TENM3: variants seen among roughly 807,000 people sequenced by gnomAD.
The protein encoded by TENM3 is teneurin-3.
A neutral mutation model predicts 255.1 loss-of-function variants in TENM3; 63 were observed. The observed-to-expected ratio is 0.25, with a 90% CI of 0.20 to 0.30. The LOEUF (loss-of-function observed/expected upper bound fraction) is 0.30. Ranked by LOEUF, TENM3 falls within the 10% of genes least tolerant of loss-of-function variation. TENM3 has a pLI of 1.00. For missense variants in TENM3, 2,929 were observed against 3,461.1 expected (o/e 0.85, Z 3.86); for synonymous variants, 1,306 against 1,322.3 (o/e 0.99, Z 0.27).
chr4:182,199,302 A>G (rs149435220), intron 1 of TENM3, among the ~76,000 whole-genome samples: 1 of 152,112 alleles, frequency 6.6e-6, no homozygotes, highest in East Asian at 1.9e-4. Context: ...CGTCTCTACT[A>G]TCCCAGCTAC....
At chr4:182,386,841 G>A (rs1048261787) in intron 3 of TENM3, among the ~76,000 whole-genome samples, 1 of 152,204 alleles carries the variant, frequency 6.6e-6, no homozygotes, top group Non-Finnish European at 1.5e-5. Flanking sequence ...CCCCGCCTCC[G>A]TGGGTTCCTG....
chr4:182,159,964 A>G (rs1175573265), intron 1 of TENM3, among the ~76,000 whole-genome samples: 1 of 152,212 alleles, frequency 6.6e-6, no homozygotes, highest in East Asian at 1.9e-4. Flanking sequence ...CTTTGTGGGA[A>G]AAACAAATCT....
At chr4:181,814,132 G>T in the TENM3 span, among the ~76,000 whole-genome samples, 6 of 152,136 alleles carry the variant, frequency 3.9e-5, no homozygotes, top group Non-Finnish European at 8.8e-5. Context: ...GGGGCCTTAT[G>T]CTGCTTACAG....
the TENM3 span, among the ~76,000 whole-genome samples, chr4:181,806,889 T>A: frequency 6.6e-6 from 1 of 152,220 alleles, no homozygotes; most frequent in African/African-American, 2.4e-5. Flanking sequence ...TGTAACTGAT[T>A]CATTTTTGTG....
At chr4:181,654,132 T>G in the TENM3 span, among the ~76,000 whole-genome samples, 1 of 151,950 alleles carries the variant, frequency 6.6e-6, no homozygotes. Context: ...TCCCTCAATT[T>G]TTCTTACATA....
chr4:182,120,157 A>C, the TENM3 span, among the ~76,000 whole-genome samples: 1 of 151,886 alleles, frequency 6.6e-6, no homozygotes, highest in African/African-American at 2.4e-5. Flanking sequence ...TAGTCCCTTG[A>C]AGAGAGGTTC....
intron 24 of TENM3, among the ~76,000 whole-genome samples, chr4:182,779,124 G>T (rs1764950204): frequency 6.9e-6 from 1 of 144,354 alleles, no homozygotes; most frequent in Non-Finnish European, 1.5e-5. Flanking sequence ...AGTTACATAT[G>T]TATACATGTG....
At chr4:182,270,493 A>G (rs576913909) in intron 1 of TENM3, among the ~76,000 whole-genome samples, 1 of 152,332 alleles carries the variant, frequency 6.6e-6, no homozygotes, top group South Asian at 2.1e-4. Flanking sequence ...AATTTTGGCT[A>G]AACTCCAAAG....
the TENM3 span, among the ~76,000 whole-genome samples, chr4:181,947,513 T>C: frequency 1.3e-5 from 2 of 152,220 alleles, no homozygotes; most frequent in Non-Finnish European, 2.9e-5. Context: ...TTCTTAAAGA[T>C]GGTTGATAAA....
the TENM3 span, among the ~76,000 whole-genome samples, chr4:181,824,396 C>T: frequency 6.6e-5 from 10 of 152,048 alleles, no homozygotes; most frequent in Admixed American, 1.3e-4. Flanking sequence ...TCACTGCACC[C>T]GACCAACATA....
upstream of TENM3, chr4:182,142,543 G>C (rs756608488): frequency 6.0e-6 from 1 of 167,222 alleles, no homozygotes; most frequent in Admixed American, 6.5e-5. Flanking sequence ...AGTTAAAAAT[G>C]CAAGTGGATT....
the TENM3 span, among the ~76,000 whole-genome samples, chr4:182,075,178 A>G: frequency 2.7e-5 from 4 of 150,718 alleles, no homozygotes; most frequent in African/African-American, 9.8e-5. Context: ...TGTATGTAAA[A>G]CAGTGGACAC....
At chr4:182,622,494 C>T (rs973771981) in intron 4 of TENM3, among the ~76,000 whole-genome samples, 46 of 152,288 alleles carry the variant, frequency 3.0e-4, no homozygotes, top group Middle Eastern at 3.4e-3. Flanking sequence ...CTGTCTCTCA[C>T]GTAGTAGATA....
At chr4:182,424,290 T>C (rs988239464) in intron 3 of TENM3, among the ~76,000 whole-genome samples, 1 of 152,110 alleles carries the variant, frequency 6.6e-6, no homozygotes, top group African/African-American at 2.4e-5. Context: ...ATAAATGTAA[T>C]GTTTGTTATA....
chr4:182,044,231 C>G, the TENM3 span, among the ~76,000 whole-genome samples: 1 of 151,560 alleles, frequency 6.6e-6, no homozygotes, highest in Non-Finnish European at 1.5e-5. Context: ...CTTGGAAAAG[C>G]ACAAAAAAAG....
the TENM3 span, among the ~76,000 whole-genome samples, chr4:181,821,244 G>C: frequency 6.6e-6 from 1 of 152,160 alleles, no homozygotes; most frequent in African/African-American, 2.4e-5. Flanking sequence ...AGGATCCCCA[G>C]ATTCCCCGCT....
At chr4:182,687,245 T>G (rs954648916) in intron 11 of TENM3, among the ~76,000 whole-genome samples, 4 of 152,160 alleles carry the variant, frequency 2.6e-5, no homozygotes, top group Non-Finnish European at 5.9e-5. Context: ...TCTTAGAATT[T>G]TAGGGGAAAA....
chr4:181,535,032 G>A, the TENM3 span, among the ~76,000 whole-genome samples: 31 of 152,224 alleles, frequency 2.0e-4, no homozygotes, highest in South Asian at 1.7e-3. Context: ...CCTATGCAGC[G>A]GTTCATGTCT....
intron 3 of TENM3, among the ~76,000 whole-genome samples, chr4:182,558,656 T>C (rs970858206): frequency 1.3e-5 from 2 of 152,156 alleles, no homozygotes; most frequent in Admixed American, 6.6e-5. Context: ...ACAAAAAAGA[T>C]AACAATTTTA....
Sources: allele counts gnomAD v4.1 joint callset (sites outside exome capture counted in the v4.1 genomes callset), GRCh38; gene constraint gnomAD v4.1.1; transcripts MANE v1.5; gene names NCBI Gene and HGNC (gene_info 2026-07-23, HGNC 2026-07-21).